GRHL3: variants seen among roughly 807,000 people sequenced by gnomAD.
GRHL3 encodes grainyhead-like protein 3 homolog.
In GRHL3, 20 loss-of-function variants were observed where a neutral mutation model predicts 70.3. The ratio of observed to expected loss-of-function variants is 0.28; its 90% CI spans 0.20 to 0.41. GRHL3 has a LOEUF of 0.41. Among genes scored for constraint, GRHL3 ranks in the 10% least tolerant of loss-of-function variants. The pLI is 1.00. For synonymous variants in GRHL3, 299 were observed against 299.9 expected, an observed-to-expected ratio of 1.00 and a Z score of 0.03; for missense variants, 637 against 762.3, an observed-to-expected ratio of 0.84 and a Z score of 1.94.
At chr1:24,324,818 G>A (rs1035313585) in intron 1 of GRHL3, among the ~76,000 whole-genome samples, 3 of 152,052 alleles carry the variant, frequency 2.0e-5, no homozygotes, top group Admixed American at 6.6e-5. Flanking sequence ...CTCCCATAAC[G>A]ATGAGTTCAT....
chr1:24,358,300 C>T (rs762841293), downstream of GRHL3: 1 of 670,616 alleles, frequency 1.5e-6, no homozygotes, highest in South Asian at 1.5e-5. Flanking sequence ...TCCACTCCTC[C>T]CTTCTGCTCA....
At chr1:24,344,018 C>T (rs951562139) in intron 11 of GRHL3, among the ~76,000 whole-genome samples, 11 of 152,186 alleles carry the variant, frequency 7.2e-5, no homozygotes, top group African/African-American at 2.7e-4. Flanking sequence ...TCTCTCTTGG[C>T]TCTCCTCACT....
downstream of GRHL3, among the ~76,000 whole-genome samples, chr1:24,359,855 C>T (rs571425950): frequency 2.0e-5 from 3 of 152,288 alleles, no homozygotes; most frequent in East Asian, 5.8e-4. The surrounding 1 kb of genome is among the most constrained non-coding windows in gnomAD (Gnocchi z 5.3). Context: ...GCACAGAGGC[C>T]GCCCACTGGA....
chr1:24,336,672 A>G lies in GRHL3; in HGVS notation c.457A>G (p.Ser153Gly). ...GKAAPLPAGP[S>G]KLEAGSVDSY... ...GGCAGCTCCCCTCCCTGCAGGCCCC[A>G]GCAAGCTGGAGGCCGGCTCTGTGGA... is the stretch of plus-strand genomic sequence containing the variant. The change falls in exon 4 of 16, where the codon AGC becomes GGC. Residue 153 changes from serine (S) to glycine (G), a missense_variant. Physicochemically the swap from Ser to Gly is moderately conservative, Grantham distance 56. Around this residue, in one of 2 missense-constraint regions of GRHL3, gnomAD observed 250 missense variants for 248.6 expected, o/e 1.01. Coordinates refer to ENST00000361548, the MANE Select transcript of GRHL3 (RefSeq NM_198173.3). 1 of 1,614,166 alleles carries G rather than the reference A, an allele frequency of 6.2e-7. No homozygotes were observed. The highest frequency in any genetic ancestry group is 1.1e-5 in the South Asian group (1 of 91,084).
At position 24,336,815 on chromosome 1, in the gene GRHL3, T is replaced by C. The variant is rs984626770; in HGVS notation, c.600T>C (p.Asp200=). The change falls in exon 4 of 16, where the codon GAT becomes GAC. Residue 200 remains aspartate (D), a synonymous_variant. Coordinates refer to ENST00000361548, the MANE Select transcript of GRHL3 (RefSeq NM_198173.3). ...GGCAGCCAGACAGCACCTTCAAAGA[T>C]GACCCACAGGAGGTGAGGGCGCATC... The part of the protein sequence containing the change: ...QRWQPDSTFK[D]DPQESMLFPD... The C allele has an allele frequency of 7.5e-6, 12 of 1,604,836 alleles. No individual in the cohort carries two copies. The African/African-American group carries it at 1.5e-4, about 20-fold the overall frequency.
chr1:24,332,461 C>G (rs1639647666), intron 2 of GRHL3, among the ~76,000 whole-genome samples: 1 of 152,184 alleles, frequency 6.6e-6, no homozygotes, highest in Admixed American at 6.5e-5. Flanking sequence ...ACACAACCCC[C>G]CTCCCACCTC....
chr1:24,334,987 G>C lies in GRHL3; in HGVS notation c.266+281G>C, dbSNP rs1639739641. Among the ~76,000 whole-genome samples, 1 of 150,330 alleles carries C rather than the reference G, an allele frequency of 6.7e-6. No homozygotes were observed. The highest frequency in any genetic ancestry group is 2.1e-4 in the South Asian group (1 of 4,758). ...AGTGAAGGCAGAGCCTAGGGCTCTT[G>C]AAAGTCCTAATGAAACTCAGCTTGA... On this transcript the variant is annotated intron_variant, in intron 3 of 15. Transcript: ENST00000361548. The surrounding 1 kb of genome is among the most constrained non-coding windows in gnomAD (Gnocchi z 4.3).
chr1:24,350,488 G>C (rs574890142), intron 15 of GRHL3, among the ~76,000 whole-genome samples: 1 of 152,184 alleles, frequency 6.6e-6, no homozygotes, highest in Non-Finnish European at 1.5e-5. Context: ...TGTCAGACAC[G>C]AGGCTAAGCA....
downstream of GRHL3, among the ~76,000 whole-genome samples, chr1:24,355,784 G>A (rs1640693519): frequency 1.3e-5 from 2 of 152,290 alleles, no homozygotes; most frequent in South Asian, 4.1e-4. Context: ...GGTCATGTTG[G>A]CACATTGAAA....
chr1:24,334,773 A>G lies in GRHL3; in HGVS notation c.266+67A>G, dbSNP rs576683935. On this transcript the variant is annotated intron_variant, in intron 3 of 15. Coordinates refer to ENST00000361548, the MANE Select transcript of GRHL3 (RefSeq NM_198173.3). The surrounding 1 kb of genome is among the most constrained non-coding windows in gnomAD (Gnocchi z 4.3). ...CCTCCACCTGGAGCCTCTTCCACACAGGTTTGACTTATCCATTAGGCACAG... is the reference window on the plus strand; with the variant it reads ...CCTCCACCTGGAGCCTCTTCCACACGGGTTTGACTTATCCATTAGGCACAG... 10 of 1,306,712 alleles carry G rather than the reference A, an allele frequency of 7.7e-6. No individual in the cohort carries two copies. In the African/African-American group the frequency reaches 1.3e-4, roughly 17 times the overall value. 80.9% of individuals were successfully genotyped at this position (1,306,712 alleles called of 1,614,324 possible). A position where few individuals can be genotyped will look rare whatever the true frequency, so the allele number is the denominator to read the frequency against.
At chr1:24,325,672 T>G (rs1339383919) in intron 1 of GRHL3, among the ~76,000 whole-genome samples, 1 of 152,218 alleles carries the variant, frequency 6.6e-6, no homozygotes, top group Non-Finnish European at 1.5e-5. Flanking sequence ...TGACTGGGCA[T>G]GGAGCAGCTG....
At chr1:24,347,361 C>A in intron 13 of GRHL3, 107 bp from the exon 14 acceptor site, 1 of 969,928 alleles carries the variant, frequency 1.0e-6, no homozygotes, top group Non-Finnish European at 1.6e-6. Flanking sequence ...TGGGCAAAGA[C>A]CCGCAGCAGA....
intron 12 of GRHL3, 143 bp from the exon 13 acceptor site, chr1:24,346,410 G>A (rs1015696448): frequency 1.7e-6 from 1 of 604,988 alleles, no homozygotes; most frequent in Non-Finnish European, 3.0e-6. Context: ...CAGACCTGCT[G>A]CTTTACCCCC....
chr1:24,329,784 G>C (rs1639533883), intron 1 of GRHL3, among the ~76,000 whole-genome samples: 1 of 152,232 alleles, frequency 6.6e-6, no homozygotes, highest in Non-Finnish European at 1.5e-5. Context: ...GAAACCAGGA[G>C]ACCAGCCAGT....
At chr1:24,358,493 G>A, downstream of GRHL3, 2 of 1,465,768 alleles carry the variant, frequency 1.4e-6, no homozygotes, top group Admixed American at 1.7e-5. Flanking sequence ...TGGGGACGCT[G>A]GGCAGGGTGG....
rs1204895238 is a variant in GRHL3, at chr1:24,342,929, T to G, written c.1323T>G (p.Asn441Lys). ...GCCTGCTGTCGGGCTTCAGGGGCAATGAGACGACCTACCTTCGGCCAGAGA... is the reference window on the plus strand; with the variant it reads ...GCCTGCTGTCGGGCTTCAGGGGCAAGGAGACGACCTACCTTCGGCCAGAGA... Reference protein sequence around the residue: ...KGCLLSGFRGNETTYLRPETD... With the variant: ...KGCLLSGFRGKETTYLRPETD... Residue 441 changes from asparagine (N) to lysine (K), a missense_variant, in exon 11 of 16, where the codon AAT becomes AAG. Asn to Lys is a moderately conservative substitution (Grantham distance 94). Coordinates refer to ENST00000361548, the MANE Select transcript of GRHL3 (RefSeq NM_198173.3). This position sits in a 1 kb window ranked among gnomAD's most constrained non-coding sequence, Gnocchi z 4.8. 1.2e-6 allele frequency: 2 copies of G among 1,614,136 alleles called. No homozygotes were observed. Among genetic ancestry groups the G allele is most frequent in the South Asian group, 2.2e-5 (2 of 91,076 alleles).
downstream of GRHL3, among the ~76,000 whole-genome samples, chr1:24,356,153 C>G (rs904096130): frequency 2.0e-5 from 3 of 152,178 alleles, no homozygotes; most frequent in African/African-American, 7.2e-5. Flanking sequence ...CTCGCCTCAG[C>G]CTCCCAAAGT....
At chr1:24,362,258 G>GAGT (rs1266834853) in intron 15 of GRHL3, among the ~76,000 whole-genome samples, 1 of 152,180 alleles carries the variant, frequency 6.6e-6, no homozygotes, top group Non-Finnish European at 1.5e-5. Context: ...AACCTCCTTA[G>GAGT]TTTTCTAAAA....
chr1:24,323,775 C>A (rs1260890000), intron 1 of GRHL3, among the ~76,000 whole-genome samples: 1 of 152,210 alleles, frequency 6.6e-6, no homozygotes, highest in Non-Finnish European at 1.5e-5. Context: ...CTGGCTGCCT[C>A]CCCCTCTCTA....
Sources: allele counts gnomAD v4.1 joint callset (sites outside exome capture counted in the v4.1 genomes callset), GRCh38; gene constraint gnomAD v4.1.1; regional missense constraint gnomAD v4.1.1; non-coding constraint Gnocchi (gnomAD v3.1); transcripts MANE v1.5; gene names NCBI Gene and HGNC (gene_info 2026-07-23, HGNC 2026-07-21).